The following CASP10 variants were observed in gnomAD, a reference collection of about 807,000 sequenced individuals.
CASP10 encodes caspase-10.
CASP10 carries 41 observed loss-of-function variants against 48.5 expected under a neutral mutation model. That is an observed-to-expected ratio of 0.85 (90% confidence interval 0.66 to 1.10). The LOEUF is 1.10. CASP10 is among the 50% of genes least tolerant of loss of function. The pLI is 0.00. For missense variants in CASP10, 614 were observed against 614.5 expected (o/e 1.00, Z 0.01); for synonymous variants, 232 against 238.4 (o/e 0.97, Z 0.25).
At position 201,185,803 on chromosome 2, in the gene CASP10, A is replaced by G. The variant is rs2126004870; in HGVS notation, c.26A>G (p.Tyr9Cys). The G allele has an allele frequency of 1.2e-6, 2 of 1,613,870 alleles. No individual in the cohort carries two copies. The highest frequency in any genetic ancestry group is 8.5e-7 in the Non-Finnish European group (1 of 1,179,804). Reference protein sequence around the residue: MKSQGQHWYSSSDKNCKVS... With the variant: MKSQGQHWCSSSDKNCKVS... ...ATGAAATCTCAAGGTCAACATTGGT[A>G]TTCCAGTTCAGATAAAAACTGTAAA... The change falls in exon 2 of 10, where the codon TAT (tyrosine) becomes TGT (cysteine). Residue 9 changes from tyrosine (Y) to cysteine (C), a missense_variant. Physicochemically the swap from Tyr to Cys is radical, Grantham distance 194. Transcript: ENST00000286186.
intron 9 of CASP10, chr2:201,214,467 A>C (rs115507576): frequency 6.6e-6 from 1 of 152,224 alleles, no homozygotes; most frequent in South Asian, 2.1e-4. Flanking sequence ...TAAGATTAGA[A>C]GGGGTGATGT....
In CASP10 at chr2:201,208,187, A is replaced by G; in HGVS notation, c.922+4A>G. On this transcript the variant is annotated splice_donor_region_variant and intron_variant, in intron 8 of 9. Transcript: ENST00000286186. ...CAAGGAACCCATAAAGATGCTGGTA[A>G]GAAAGTCTGGAACAGTTTATCAAAT... 6.2e-7 allele frequency: 1 copy of G among 1,611,410 alleles called. No individual in the cohort carries two copies.
intron 3 of CASP10, among the ~76,000 whole-genome samples, chr2:201,191,985 G>A (rs1429471952): frequency 1.3e-5 from 2 of 152,242 alleles, no homozygotes; most frequent in African/African-American, 4.8e-5. Flanking sequence ...ATGTGCGTGT[G>A]TATGTGTGTG....
chr2:201,190,477 A>C (rs1382609385), intron 3 of CASP10, among the ~76,000 whole-genome samples: 1 of 152,160 alleles, frequency 6.6e-6, no homozygotes, highest in Non-Finnish European at 1.5e-5. Flanking sequence ...TACCTGCTCA[A>C]ATGGTAGCAT....
At chr2:201,224,260 C>T (rs10184363), downstream of CASP10, among the ~76,000 whole-genome samples, 7,089 of 151,510 alleles carry the variant, frequency 0.047, 230 homozygotes, top group Middle Eastern at 0.095. Context: ...CGTGAGCCAC[C>T]GTGCCTGGCC....
intron 3 of CASP10, among the ~76,000 whole-genome samples, chr2:201,189,774 G>A (rs1201514974): frequency 1.3e-5 from 2 of 152,132 alleles, no homozygotes; most frequent in Non-Finnish European, 2.9e-5. Flanking sequence ...GAGGTGGACA[G>A]GTCACTTGAG....
chr2:201,217,940 G>T lies in CASP10; in HGVS notation c.*199G>T. On this transcript the variant is annotated 3_prime_UTR_variant, in exon 10 of 10. Transcript: ENST00000286186. ...GAAAACTTTCTTTTTTTTGGAGATA[G>T]TCTCATTCTGTCACCCAGACTGGAG... The T allele has an allele frequency of 7.4e-7, 1 of 1,344,432 alleles. No individual in the cohort carries two copies. Among genetic ancestry groups the T allele is most frequent in the Non-Finnish European group, 9.7e-7 (1 of 1,034,798 alleles). The allele number at this position is 1,344,432 out of a possible 1,614,324, so 83.3% of individuals were successfully genotyped here.
chr2:201,202,052 A>G (rs986489626), intron 5 of CASP10, among the ~76,000 whole-genome samples: 15 of 152,122 alleles, frequency 9.9e-5, no homozygotes, highest in Non-Finnish European at 1.5e-4. Context: ...GGGTTTCGCC[A>G]TGTTGGCCAG....
intron 5 of CASP10, chr2:201,200,831 C>G: frequency 1.2e-6 from 1 of 848,584 alleles, no homozygotes; most frequent in Non-Finnish European, 1.4e-6. Flanking sequence ...GGCTTCTTTT[C>G]TCTAGGAAAA....
At chr2:201,202,526 C>T (rs553771770) in intron 5 of CASP10, among the ~76,000 whole-genome samples, 34 of 152,308 alleles carry the variant, frequency 2.2e-4, no homozygotes, top group African/African-American at 7.7e-4. Context: ...TCTGCATTGC[C>T]CCTAATCCCA....
chr2:201,185,908 T>C lies in CASP10; in HGVS notation c.131T>C (p.Ile44Thr), dbSNP rs1189489209. 2.5e-6 allele frequency: 4 copies of C among 1,614,170 alleles called. No individual in the cohort carries two copies. The highest frequency in any genetic ancestry group is 3.4e-6 in the Non-Finnish European group (4 of 1,179,998). Residue 44 changes from isoleucine (I) to threonine (T), a missense_variant, in exon 2 of 10, where the codon ATA becomes ACA. Physicochemically the swap from Ile to Thr is moderately conservative, Grantham distance 89 (BLOSUM62 -1). Coordinates refer to ENST00000286186, the MANE Select transcript of CASP10 (RefSeq NM_032977.4). ...GTGGAGAACCTCAAGTTTCTCTGCATAGGATTGGTCCCCAACAAGAAGCTG... is the reference window on the plus strand; with the variant it reads ...GTGGAGAACCTCAAGTTTCTCTGCACAGGATTGGTCCCCAACAAGAAGCTG... ...QDVENLKFLC[I>T]GLVPNKKLEK...
rs1944987748 is a variant in CASP10 at position 201,200,682 on chromosome 2, C to T, written c.685-3048C>T. 6 of 1,376,908 alleles carry T rather than the reference C, an allele frequency of 4.4e-6. No individual in the cohort carries two copies. The South Asian group carries it at 7.5e-5, about 17-fold the overall frequency. 85.3% of individuals were successfully genotyped at this position (1,376,908 alleles called of 1,614,324 possible). A position where few individuals can be genotyped will look rare whatever the true frequency, so the allele number is the denominator to read the frequency against. On this transcript the variant is annotated intron_variant, in intron 5 of 9. Transcript: ENST00000286186. ...TTTGGGAGGCCACTTTGTAAGTGAT[C>T]TTAAGAGATTAAGTACATCCTTAAT... is the stretch of plus-strand genomic sequence containing the variant.
At chr2:201,183,476 C>A (rs1330863238) in intron 1 of CASP10, among the ~76,000 whole-genome samples, 168 bp downstream of exon 1, 1 of 152,116 alleles carries the variant, frequency 6.6e-6, no homozygotes, top group Non-Finnish European at 1.5e-5. Flanking sequence ...AATCCGGAAG[C>A]CTCCAACATA....
chr2:201,185,302 C>T (rs1042731980), intron 1 of CASP10, among the ~76,000 whole-genome samples: 11 of 152,172 alleles, frequency 7.2e-5, no homozygotes, highest in African/African-American at 2.2e-4. Context: ...ACATACCTCA[C>T]GGTACCTTGC....
At position 201,220,604 on chromosome 2, in the gene CASP10, ACT is replaced by A. The variant is rs1945697723; in HGVS notation, c.*2866_*2867del. 3.8e-6 allele frequency: 1 copy of A among 262,730 alleles called. No individual in the cohort carries two copies. Among genetic ancestry groups the A allele is most frequent in the Admixed American group, 6.5e-5 (1 of 15,344 alleles). 16.3% of individuals were successfully genotyped at this position (262,730 alleles called of 1,614,324 possible). On this transcript the variant is annotated 3_prime_UTR_variant, in exon 10 of 10. Transcript: ENST00000286186. ...ACTCTCCCACCCTAAATCCTTAAAAACTCTTAGTCTGTAAGTGAGTGGGCTCT... is the reference window on the plus strand; with the variant it reads ...ACTCTCCCACCCTAAATCCTTAAAAACTTAGTCTGTAAGTGAGTGGGCTCT...
At chr2:201,216,021 T>G (rs894974204) in intron 9 of CASP10, among the ~76,000 whole-genome samples, 2 of 152,108 alleles carry the variant, frequency 1.3e-5, no homozygotes, top group Non-Finnish European at 2.9e-5. Flanking sequence ...TTAACAAGAT[T>G]ATTCTTCTAA....
intron 5 of CASP10, among the ~76,000 whole-genome samples, chr2:201,203,288 AT>A (rs1189544127): frequency 6.9e-6 from 1 of 145,706 alleles, no homozygotes; most frequent in African/African-American, 2.5e-5. Flanking sequence ...TTCTCTTCCC[AT>A]TTCCTGCCAA....
rs751576154 is a variant in CASP10 at position 201,206,002 on chromosome 2, T to C, written c.813+29T>C. On this transcript the variant is annotated intron_variant, in intron 7 of 9. Coordinates refer to ENST00000286186, the MANE Select transcript of CASP10 (RefSeq NM_032977.4). Reference sequence around the variant, plus strand: ...TGGATGGTTTCTTTTATTCCTTTTTTAATAAAAAAATTTTTTTTCCAAATT... The same window carrying C: ...TGGATGGTTTCTTTTATTCCTTTTTCAATAAAAAAATTTTTTTTCCAAATT... 4.4e-5 allele frequency: 65 copies of C among 1,481,298 alleles called. 1 individual carries two copies. In the South Asian group the frequency reaches 7.3e-4, roughly 17 times the overall value. 91.8% of individuals were successfully genotyped at this position (1,481,298 alleles called of 1,614,324 possible).
chr2:201,202,407 A>G (rs545656074), intron 5 of CASP10, among the ~76,000 whole-genome samples: 36 of 152,294 alleles, frequency 2.4e-4, no homozygotes, highest in African/African-American at 7.5e-4. Flanking sequence ...GGCAGATTAG[A>G]CCTTAAAGCT....
Sources: allele counts gnomAD v4.1 joint callset (sites outside exome capture counted in the v4.1 genomes callset), GRCh38; gene constraint gnomAD v4.1.1; transcripts MANE v1.5; gene names NCBI Gene and HGNC (gene_info 2026-07-23, HGNC 2026-07-21).